Variants in CCSER1 observed in about 807,000 individuals in gnomAD.
The protein encoded by CCSER1 is coiled-coil serine rich protein 1, also known as serine-rich coiled-coil domain-containing protein 1.
In CCSER1, 41 loss-of-function variants were observed where a neutral mutation model predicts 82.0. The observed-to-expected ratio is 0.50, with a 90% CI of 0.39 to 0.65. CCSER1 has a LOEUF of 0.65. Ranked by LOEUF, CCSER1 falls within the 30% of genes least tolerant of loss-of-function variation. The pLI is 0.00. For synonymous variants in CCSER1, 414 were observed against 383.9 expected, an observed-to-expected ratio of 1.08 and a Z score of -0.92; for missense variants, 1,119 against 1,064.2, an observed-to-expected ratio of 1.05 and a Z score of -0.72.
chr4:90,427,363 C>G (rs952529140), intron 4 of CCSER1, among the ~76,000 whole-genome samples: 1 of 151,628 alleles, frequency 6.6e-6, no homozygotes, highest in Non-Finnish European at 1.5e-5. Context: ...TGGTACATCA[C>G]TAAGTACCAT....
chr4:91,084,125 G>T (rs905239893), intron 9 of CCSER1, among the ~76,000 whole-genome samples: 1 of 152,138 alleles, frequency 6.6e-6, no homozygotes, highest in Non-Finnish European at 1.5e-5. Context: ...TGGAGACAGG[G>T]TTTCCCTATT....
chr4:90,325,908 A>G (rs911480480), intron 3 of CCSER1, among the ~76,000 whole-genome samples: 2 of 152,166 alleles, frequency 1.3e-5, no homozygotes, highest in South Asian at 4.1e-4. Context: ...AGAAATATCT[A>G]AATATATTCA....
At chr4:90,525,261 T>C (rs1436707922) in intron 5 of CCSER1, among the ~76,000 whole-genome samples, 1 of 152,188 alleles carries the variant, frequency 6.6e-6, no homozygotes, top group East Asian at 1.9e-4. Context: ...CCCAGGTGTT[T>C]TAATGAAATA....
At chr4:91,210,102 G>A (rs1476286991) in intron 10 of CCSER1, among the ~76,000 whole-genome samples, 1 of 151,744 alleles carries the variant, frequency 6.6e-6, no homozygotes, top group Non-Finnish European at 1.5e-5. Flanking sequence ...AAAGGATGAT[G>A]AAGACATATC....
At position 90,585,933 on chromosome 4, in the gene CCSER1, T is replaced by G. The variant is rs183519159; in HGVS notation, c.1725-42092T>G. Among the ~76,000 whole-genome samples, 4 of 152,332 alleles carry G rather than the reference T, an allele frequency of 2.6e-5. No homozygotes were observed. The East Asian group carries it at 7.7e-4, about 29-fold the overall frequency. On this transcript the variant is annotated intron_variant, in intron 5 of 10. Transcript: ENST00000509176. ...TATCTCATAGTAACATCAAGAAATT[T>G]ATTTTCTATTATTATCCTAACTTAC...
At chr4:90,153,731 T>G (rs1055605683) in intron 1 of CCSER1, among the ~76,000 whole-genome samples, 1 of 152,208 alleles carries the variant, frequency 6.6e-6, no homozygotes, top group Non-Finnish European at 1.5e-5. Context: ...TTTGATGGGT[T>G]TATTTTTTTC....
intron 10 of CCSER1, among the ~76,000 whole-genome samples, chr4:91,448,705 T>C (rs1440300936): frequency 6.6e-6 from 1 of 152,108 alleles, no homozygotes; most frequent in Admixed American, 6.6e-5. Context: ...ACATTTATGA[T>C]ATGCCATATA....
chr4:90,133,674 A>C (rs915759511), intron 1 of CCSER1, among the ~76,000 whole-genome samples: 2 of 152,088 alleles, frequency 1.3e-5, no homozygotes, highest in African/African-American at 4.8e-5. Context: ...TCTCTATTTC[A>C]ATCATCACTT....
intron 10 of CCSER1, among the ~76,000 whole-genome samples, chr4:91,471,292 T>C (rs974792251): frequency 6.6e-5 from 10 of 152,160 alleles, no homozygotes; most frequent in African/African-American, 2.4e-4. Flanking sequence ...GAAAACACTA[T>C]GCTATGGAAA....
chr4:91,264,001 C>T lies in CCSER1; in HGVS notation c.2217+178007C>T, dbSNP rs142271619. Among the ~76,000 whole-genome samples the T allele has an allele frequency of 3.8e-3, 579 of 151,932 alleles. 2 individuals carry two copies. Among genetic ancestry groups the T allele is most frequent in the Middle Eastern group, 0.014 (4 of 294 alleles). On this transcript the variant is annotated intron_variant, in intron 10 of 10. Transcript: ENST00000509176. ...GCTTATTCACAATAAGATTATATTT[C>T]TATGTTTTAAATGTTGACAAAAGAA... is the stretch of plus-strand genomic sequence containing the variant.
intron 1 of CCSER1, among the ~76,000 whole-genome samples, chr4:90,307,410 C>T (rs892621415): frequency 1.2e-4 from 17 of 147,726 alleles, no homozygotes; most frequent in African/African-American, 4.3e-4. Flanking sequence ...ATAAGTTTAA[C>T]TTGTTTATAA....
chr4:90,488,728 C>G (rs1399393543), intron 5 of CCSER1, among the ~76,000 whole-genome samples: 1 of 152,142 alleles, frequency 6.6e-6, no homozygotes, highest in African/African-American at 2.4e-5. Context: ...AAATAGAATG[C>G]TCGCTCTGAA....
intron 8 of CCSER1, among the ~76,000 whole-genome samples, chr4:90,913,292 C>T (rs1726726732): frequency 1.3e-5 from 2 of 152,184 alleles, no homozygotes; most frequent in Admixed American, 6.5e-5. Context: ...CAGCTGATCT[C>T]TCAGCAGACA....
At chr4:90,398,387 A>G (rs982609117) in intron 3 of CCSER1, among the ~76,000 whole-genome samples, 4 of 152,338 alleles carry the variant, frequency 2.6e-5, no homozygotes, top group Non-Finnish European at 4.4e-5. Context: ...ATTTACCCCA[A>G]TTAGAAATTG....
At position 90,308,466 on chromosome 4, in the gene CCSER1, G is replaced by C. The variant is rs184253075; in HGVS notation, c.182G>C (p.Ser61Thr). ...TCAGGTAGCACAGGTAAACGGAGGA[G>C]CATATTCCGTACTCCTTCCATTAGC... ...SSSGSTGKRR[S>T]IFRTPSISFH... The change falls in exon 2 of 11, where the codon AGC becomes ACC. Residue 61 changes from serine (S) to threonine (T), a missense_variant. Physicochemically the swap from Ser to Thr is moderately conservative, Grantham distance 58 (BLOSUM62 1). Coordinates refer to ENST00000509176, the MANE Select transcript of CCSER1 (RefSeq NM_001145065.2). 1.9e-3 allele frequency: 3,061 copies of C among 1,613,792 alleles called. 11 individuals carry two copies. Among genetic ancestry groups the C allele is most frequent in the Non-Finnish European group, 2.2e-3 (2,620 of 1,179,774 alleles).
At position 90,532,700 on chromosome 4, in the gene CCSER1, A is replaced by G. The variant is rs575663263; in HGVS notation, c.1724+64346A>G. Among the ~76,000 whole-genome samples the G allele has an allele frequency of 1.6e-4, 25 of 152,280 alleles. 1 individual carries two copies. The South Asian group carries it at 3.5e-3, about 21-fold the overall frequency. ...TTTCTTTATATCAAAATAATTTTGT[A>G]TGGACTTCTACCAAAATTCTTTTCT... On this transcript the variant is annotated intron_variant, in intron 5 of 10. Transcript: ENST00000509176.
At position 91,116,124 on chromosome 4, in the gene CCSER1, C is replaced by T. The variant is rs370015719; in HGVS notation, c.2217+30130C>T. ...TGCAGTGTTTGGTTTTTTGCCCTTG[C>T]GACAGTTTGCTGAGAATGATTCACA... is the stretch of plus-strand genomic sequence containing the variant. On this transcript the variant is annotated intron_variant, in intron 10 of 10. Coordinates refer to ENST00000509176, the MANE Select transcript of CCSER1 (RefSeq NM_001145065.2). Among the ~76,000 whole-genome samples the T allele has an allele frequency of 2.9e-3, 434 of 151,884 alleles. 1 individual carries two copies. The highest frequency in any genetic ancestry group is 9.8e-3 in the African/African-American group (408 of 41,456).
chr4:90,385,103 G>A (rs531995855), intron 3 of CCSER1, among the ~76,000 whole-genome samples: 110 of 152,214 alleles, frequency 7.2e-4, no homozygotes, highest in African/African-American at 2.1e-3. Context: ...TGGTGTATAT[G>A]CCACATTTTC....
At chr4:91,507,339 G>T (rs535204603) in intron 10 of CCSER1, among the ~76,000 whole-genome samples, 3 of 152,216 alleles carry the variant, frequency 2.0e-5, no homozygotes, top group South Asian at 2.1e-4. Flanking sequence ...GTGTGAAGTG[G>T]TATCTCATTG....
Sources: gnomAD v4.1 joint callset for allele counts (sites outside exome capture counted in the v4.1 genomes callset) on GRCh38, gnomAD v4.1.1 for gene constraint, MANE v1.5 for transcripts, NCBI Gene and HGNC (gene_info 2026-07-23, HGNC 2026-07-21) for gene names.